LRP1B: variants seen among roughly 807,000 people sequenced by gnomAD.
The protein encoded by LRP1B is low-density lipoprotein receptor-related protein 1B.
A neutral mutation model predicts 556.6 loss-of-function variants in LRP1B; 217 were observed. That is an observed-to-expected ratio of 0.39 (90% CI 0.35 to 0.44). The LOEUF (loss-of-function observed/expected upper bound fraction) is 0.44, where lower values mean the gene tolerates loss of function less well. Ranked by LOEUF, LRP1B falls within the 20% of genes least tolerant of loss-of-function variation. The probability of loss-of-function intolerance (pLI) is 1.00; values close to 1 mark genes in which losing one functional copy is unlikely to be tolerated. For missense variants in LRP1B, 5,053 were observed against 5,620.8 expected (o/e 0.90, Z 3.23); for synonymous variants, 2,047 against 1,865.8 (o/e 1.10, Z -2.50).
chr2:141,689,112 T>C (rs945942662), intron 2 of LRP1B, among the ~76,000 whole-genome samples: 1 of 151,950 alleles, frequency 6.6e-6, no homozygotes, highest in African/African-American at 2.4e-5. Flanking sequence ...TTGCAAATAC[T>C]GACTTCTGTT....
chr2:140,447,664 A>G (rs1686721202), intron 63 of LRP1B, among the ~76,000 whole-genome samples: 1 of 152,092 alleles, frequency 6.6e-6, no homozygotes, highest in Non-Finnish European at 1.5e-5. Context: ...TTTTCTTATA[A>G]TAACTTTTCC....
intron 10 of LRP1B, among the ~76,000 whole-genome samples, chr2:141,052,338 T>C (rs1164274504): frequency 6.6e-6 from 1 of 152,074 alleles, no homozygotes; most frequent in African/African-American, 2.4e-5. Context: ...CATACTTTTA[T>C]ATTTTTCAAA....
chr2:140,502,914 C>G (rs747847488), intron 54 of LRP1B, 49 bp downstream of exon 54: 15 of 1,582,602 alleles, frequency 9.5e-6, no homozygotes, highest in Non-Finnish European at 1.3e-5. Context: ...CACAATTTTT[C>G]CATTGAAAAC....
chr2:140,944,299 C>T (rs1695481539), intron 20 of LRP1B, among the ~76,000 whole-genome samples: 1 of 151,956 alleles, frequency 6.6e-6, no homozygotes, highest in African/African-American at 2.4e-5. Context: ...GCAAAAGAGT[C>T]CCAGACCAGA....
At chr2:140,477,141 A>T (rs1019441611) in intron 59 of LRP1B, among the ~76,000 whole-genome samples, 1 of 152,088 alleles carries the variant, frequency 6.6e-6, no homozygotes, top group African/African-American at 2.4e-5. Flanking sequence ...GATGCAAAAG[A>T]AGAAACTGAA....
chr2:141,601,464 A>C (rs111513132), intron 2 of LRP1B, among the ~76,000 whole-genome samples: 4 of 152,292 alleles, frequency 2.6e-5, no homozygotes, highest in African/African-American at 9.6e-5. Flanking sequence ...ACAAACAAAA[A>C]TCAGGTGACT....
At chr2:141,643,411 A>G (rs1689420809) in intron 2 of LRP1B, among the ~76,000 whole-genome samples, 1 of 152,198 alleles carries the variant, frequency 6.6e-6, no homozygotes. Context: ...CATATTTAAG[A>G]TAATGAAGAG....
rs568309208 is a variant in LRP1B at position 140,601,528 on chromosome 2, C to T, written c.6911G>A (p.Gly2304Glu). ...TRHTVDQTRP[G>E]AFDREAVITM... is the part of the protein sequence containing the mutation. ...GATGACAGCTTCCCTGTCAAATGCT[C>T]CAGGCCGAGTCTGGTCCACAGTGTG... Residue 2304 changes from glycine (G) to glutamate (E), a missense_variant, in exon 42 of 91, where the codon GGA (glycine) becomes GAA (glutamate). Transcript: ENST00000389484. 1 of 1,613,062 alleles carries T rather than the reference C, an allele frequency of 6.2e-7. No individual in the cohort carries two copies. Among genetic ancestry groups the T allele is most frequent in the Non-Finnish European group, 8.5e-7 (1 of 1,179,492 alleles).
At chr2:140,317,034 G>A (rs998570866) in intron 82 of LRP1B, among the ~76,000 whole-genome samples, 7 of 152,132 alleles carry the variant, frequency 4.6e-5, no homozygotes, top group Non-Finnish European at 1.5e-5. Context: ...ATACCATCTA[G>A]GCAGACCTAT....
intron 2 of LRP1B, among the ~76,000 whole-genome samples, chr2:141,510,272 C>T (rs922850593): frequency 1.3e-5 from 2 of 149,176 alleles, no homozygotes; most frequent in Non-Finnish European, 3.0e-5. Context: ...TATATATATA[C>T]ACATATACGT....
At chr2:140,452,578 A>C (rs1468970442) in intron 62 of LRP1B, among the ~76,000 whole-genome samples, 1 of 152,094 alleles carries the variant, frequency 6.6e-6, no homozygotes, top group African/African-American at 2.4e-5. Flanking sequence ...TTATGTTGTT[A>C]TTCCCATATA....
intron 3 of LRP1B, among the ~76,000 whole-genome samples, chr2:141,304,762 A>G (rs1686525161): frequency 6.6e-6 from 1 of 151,956 alleles, no homozygotes; most frequent in Non-Finnish European, 1.5e-5. Context: ...CAGCCTCCCA[A>G]AGTTCTGGGA....
chr2:141,829,169 G>C (rs538805850), intron 1 of LRP1B, among the ~76,000 whole-genome samples: 2 of 151,960 alleles, frequency 1.3e-5, no homozygotes, highest in African/African-American at 4.8e-5. Flanking sequence ...TCAATTTCTA[G>C]TCTCTGAGTT....
intron 2 of LRP1B, among the ~76,000 whole-genome samples, chr2:141,764,346 A>G (rs1558860217): frequency 6.6e-6 from 1 of 152,038 alleles, no homozygotes; most frequent in Non-Finnish European, 1.5e-5. Flanking sequence ...ACATCCAGCT[A>G]ATTTTTGTAT....
chr2:142,006,672 A>G (rs1450992254), intron 1 of LRP1B, among the ~76,000 whole-genome samples: 1 of 152,196 alleles, frequency 6.6e-6, no homozygotes, highest in African/African-American at 2.4e-5. Flanking sequence ...GGTTAAATAT[A>G]CAGTTTTTGA....
chr2:140,780,085 A>G (rs1228027545), intron 32 of LRP1B, among the ~76,000 whole-genome samples: 1 of 152,050 alleles, frequency 6.6e-6, no homozygotes, highest in Non-Finnish European at 1.5e-5. Context: ...ATGAAAAAAG[A>G]AAGTAAGGGA....
At chr2:141,717,150 C>T (rs759892400) in intron 2 of LRP1B, among the ~76,000 whole-genome samples, 1 of 152,142 alleles carries the variant, frequency 6.6e-6, no homozygotes, top group African/African-American at 2.4e-5. Context: ...TCTTGCCCAG[C>T]ACTAACCCAA....
chr2:141,055,351 A>C, intron 9 of LRP1B, 92 bp from the exon 10 acceptor site: 6 of 1,410,792 alleles, frequency 4.3e-6, no homozygotes, highest in Non-Finnish European at 5.7e-6. Context: ...ATAGTGTAAA[A>C]ACAGGGAATC....
chr2:140,491,513 A>G (rs1476917857), intron 57 of LRP1B, among the ~76,000 whole-genome samples: 1 of 152,140 alleles, frequency 6.6e-6, no homozygotes, highest in African/African-American at 2.4e-5. Flanking sequence ...TCATATCCCA[A>G]GAAAGATAAT....
Sources: allele counts gnomAD v4.1 joint callset (sites outside exome capture counted in the v4.1 genomes callset), GRCh38; gene constraint gnomAD v4.1.1; transcripts MANE v1.5; gene names NCBI Gene and HGNC (gene_info 2026-07-23, HGNC 2026-07-21).